Variants in TIAM2 observed in about 807,000 individuals in gnomAD.
The protein encoded by TIAM2 is rho guanine nucleotide exchange factor TIAM2.
Under a neutral mutation model 152.9 loss-of-function variants are expected in TIAM2, and 80 were observed. That is an observed-to-expected ratio of 0.52 (90% CI 0.44 to 0.63). The LOEUF is 0.63. Ranked by LOEUF, TIAM2 falls within the 30% of genes least tolerant of loss-of-function variation. TIAM2 has a pLI of 0.00. For synonymous variants in TIAM2, 804 were observed against 838.0 expected (o/e 0.96, Z 0.70); for missense variants, 1,965 against 2,120.1 (o/e 0.93, Z 1.44).
At chr6:155,171,343 G>A (rs959006860) in intron 9 of TIAM2, among the ~76,000 whole-genome samples, 3 of 152,122 alleles carry the variant, frequency 2.0e-5, no homozygotes, top group Non-Finnish European at 2.9e-5. Context: ...AGTCTTACAC[G>A]GCCTTTGAAG....
At chr6:155,254,339 C>T in intron 25 of TIAM2, 80 bp from the exon 26 acceptor site, 1 of 1,554,458 alleles carries the variant, frequency 6.4e-7, no homozygotes, top group South Asian at 1.2e-5. Context: ...GTGCAAGGCA[C>T]AGGAACACAG....
At chr6:155,087,467 G>A (rs748074140) in intron 1 of TIAM2, among the ~76,000 whole-genome samples, 1 of 151,936 alleles carries the variant, frequency 6.6e-6, no homozygotes, top group Admixed American at 6.6e-5. Flanking sequence ...TATTTTTTTC[G>A]GCTGGGTGCA....
intron 1 of TIAM2, among the ~76,000 whole-genome samples, chr6:155,009,611 T>C (rs2114846310): frequency 6.6e-6 from 1 of 152,250 alleles, no homozygotes; most frequent in African/African-American, 2.4e-5. Flanking sequence ...GTCCAGGCAG[T>C]ATTAGTGATT....
chr6:155,121,811 C>G (rs1215842601), intron 2 of TIAM2: 1 of 152,420 alleles, frequency 6.6e-6, no homozygotes, highest in Admixed American at 6.5e-5. Context: ...CTGTAGATCT[C>G]CTTTTTTGCA....
chr6:155,223,241 C>T (rs1467626274), intron 15 of TIAM2, among the ~76,000 whole-genome samples: 1 of 152,154 alleles, frequency 6.6e-6, no homozygotes, highest in African/African-American at 2.4e-5. Context: ...ATCTGAATAG[C>T]CTAGCCTGTG....
At chr6:155,178,587 T>C (rs987465093) in intron 10 of TIAM2, among the ~76,000 whole-genome samples, 1 of 152,126 alleles carries the variant, frequency 6.6e-6, no homozygotes, top group African/African-American at 2.4e-5. Context: ...TTTATTTATT[T>C]ATTTGAGTTG....
chr6:155,039,913 C>T (rs1460844285), intron 1 of TIAM2, among the ~76,000 whole-genome samples: 3 of 152,168 alleles, frequency 2.0e-5, no homozygotes, highest in East Asian at 1.9e-4. Context: ...CGCCTAGGCA[C>T]GGAAAATGGT....
intron 15 of TIAM2, among the ~76,000 whole-genome samples, chr6:155,223,527 C>CTTTTTTTTTTTTT (rs11385281): frequency 3.8e-5 from 5 of 130,870 alleles, no homozygotes; most frequent in Non-Finnish European, 3.1e-5. Context: ...ATTTTTTTTT[C>CTTTTTTTTTTTTT]TTTTTTTTTT....
intron 2 of TIAM2, among the ~76,000 whole-genome samples, chr6:155,121,015 C>T (rs982684606): frequency 6.6e-6 from 1 of 152,060 alleles, no homozygotes; most frequent in African/African-American, 2.4e-5. Context: ...TGATAGACTG[C>T]TTGCAAATTA....
At chr6:155,219,980 A>C (rs945813059) in intron 15 of TIAM2, among the ~76,000 whole-genome samples, 3 of 152,192 alleles carry the variant, frequency 2.0e-5, no homozygotes, top group African/African-American at 7.2e-5. Flanking sequence ...GTAGAGAGGG[A>C]TGAACAACAG....
chr6:155,240,804 C>T (rs1782994919), intron 16 of TIAM2, 95 bp downstream of exon 16: 2 of 1,302,378 alleles, frequency 1.5e-6, no homozygotes, highest in Non-Finnish European at 2.1e-6. Context: ...GCCCAGGACA[C>T]CTGCCACTCC....
At chr6:155,007,339 G>C (rs112001896) in intron 1 of TIAM2, among the ~76,000 whole-genome samples, 1 of 151,882 alleles carries the variant, frequency 6.6e-6, no homozygotes, top group Non-Finnish European at 1.5e-5. Flanking sequence ...TCTTATTTCA[G>C]GGTGATCCAT....
At chr6:155,094,366 A>G (rs746178961) in intron 2 of TIAM2, among the ~76,000 whole-genome samples, 12 of 152,118 alleles carry the variant, frequency 7.9e-5, no homozygotes, top group Non-Finnish European at 1.3e-4. Context: ...TTATTTTTTC[A>G]ATGTCCATAG....
intron 1 of TIAM2, among the ~76,000 whole-genome samples, chr6:155,001,537 G>T (rs1029231808): frequency 6.6e-6 from 1 of 152,234 alleles, no homozygotes; most frequent in Non-Finnish European, 1.5e-5. Context: ...CCCTGAGAAG[G>T]TTCCCTGCCA....
chr6:155,060,398 G>C (rs905779300), intron 1 of TIAM2, among the ~76,000 whole-genome samples: 1 of 151,930 alleles, frequency 6.6e-6, no homozygotes, highest in East Asian at 1.9e-4. Flanking sequence ...GCGAAACTCC[G>C]TCTCAAAAAA....
intron 5 of TIAM2, among the ~76,000 whole-genome samples, chr6:155,144,368 A>G: frequency 6.6e-6 from 1 of 152,232 alleles, no homozygotes; most frequent in South Asian, 2.1e-4. Context: ...TTAAGCAACA[A>G]CTTATTATTT....
At chr6:155,086,130 C>T (rs1430943942) in intron 1 of TIAM2, among the ~76,000 whole-genome samples, 1 of 152,178 alleles carries the variant, frequency 6.6e-6, no homozygotes, top group Non-Finnish European at 1.5e-5. Flanking sequence ...GTTCACGTGG[C>T]ACTGGAGCAT....
Position 155,257,025 on chromosome 6 carries a change from A to C in TIAM2, c.5010A>C (p.Leu1670=). 3 of 1,614,162 alleles carry C rather than the reference A, an allele frequency of 1.9e-6. No individual in the cohort carries two copies. The highest frequency in any genetic ancestry group is 2.5e-6 in the Non-Finnish European group (3 of 1,180,014). ...DSQSENATID[L]NSVLEREFSV... is the part of the protein sequence containing the mutation. Reference sequence around the variant, plus strand: ...AGTCTGAAAATGCCACCATCGACCTAAATTCTGTTCTAGAGCGAGAATTCA... The same window carrying C: ...AGTCTGAAAATGCCACCATCGACCTCAATTCTGTTCTAGAGCGAGAATTCA... Residue 1670 remains leucine (L), a synonymous_variant, in exon 27 of 27, where the codon CTA becomes CTC. Transcript: ENST00000682666.
intron 4 of TIAM2, among the ~76,000 whole-genome samples, chr6:155,133,966 C>T (rs1467125832): frequency 6.6e-6 from 1 of 152,148 alleles, no homozygotes; most frequent in African/African-American, 2.4e-5. Context: ...ATCCACCCTC[C>T]TCGGCCTCCC....
Sources: allele counts gnomAD v4.1 joint callset (sites outside exome capture counted in the v4.1 genomes callset), GRCh38; gene constraint gnomAD v4.1.1; transcripts MANE v1.5; gene names NCBI Gene and HGNC (gene_info 2026-07-23, HGNC 2026-07-21).